The following PDXK variants were observed in gnomAD, a reference collection of about 807,000 sequenced individuals.
PDXK encodes the protein epididymis secretory sperm binding protein Li 1a.
PDXK carries 15 observed loss-of-function variants against 43.2 expected under a neutral mutation model. The observed-to-expected ratio is 0.35, with a 90% CI of 0.23 to 0.53. The LOEUF (loss-of-function observed/expected upper bound fraction) is 0.53. PDXK is among the 20% of genes least tolerant of loss of function. The pLI is 0.92. For missense variants in PDXK, 343 were observed against 417.0 expected (o/e 0.82, Z 1.54); for synonymous variants, 172 against 165.4 (o/e 1.04, Z -0.31).
At chr21:43,722,709 C>G (rs529139278) in intron 1 of PDXK, among the ~76,000 whole-genome samples, 149 of 152,344 alleles carry the variant, frequency 9.8e-4, no homozygotes, top group Non-Finnish European at 1.7e-3. Flanking sequence ...ACTCCAGTCT[C>G]TGTCTCTGTC....
chr21:43,741,722 C>T lies in PDXK; in HGVS notation c.198C>T (p.Tyr66=), dbSNP rs778655345. 7 of 1,613,002 alleles carry T rather than the reference C, an allele frequency of 4.3e-6. No homozygotes were observed. The East Asian group carries it at 1.1e-4, about 26-fold the overall frequency. ...VLNSDELQEL[Y]EGLRLNNMNK... ...ATTCAGATGAGCTCCAGGAGTTGTA[C>T]GAAGGCCTGAGGCTGAACAACATGA... is the stretch of plus-strand genomic sequence containing the variant. Residue 66 remains tyrosine, a synonymous_variant, in exon 3 of 11, where the codon TAC becomes TAT. Transcript: ENST00000291565.
intron 2 of PDXK, among the ~76,000 whole-genome samples, chr21:43,740,265 T>TACGC (rs2147256761): frequency 6.6e-6 from 1 of 152,218 alleles, no homozygotes; most frequent in Non-Finnish European, 1.5e-5. Context: ...CAGCGACTGG[T>TACGC]ACGCAGGAGG....
chr21:43,754,205 G>A lies in PDXK; in HGVS notation c.759+486G>A, dbSNP rs938353868. ...TGGGAGGCTGAGGACAGGGGTCCAG[G>A]CAGGTGTGGAGAGCCGTCTTTCTGG... is the stretch of plus-strand genomic sequence containing the variant. On this transcript the variant is annotated intron_variant, in intron 9 of 10. Coordinates refer to ENST00000291565, the MANE Select transcript of PDXK (RefSeq NM_003681.5). This position sits in a 1 kb window ranked among gnomAD's most constrained non-coding sequence, Gnocchi z 5.5. 9.9e-5 allele frequency among the ~76,000 whole-genome samples: 15 copies of A among 152,208 alleles called. No individual in the cohort carries two copies. The highest frequency in any genetic ancestry group is 4.4e-5 in the Non-Finnish European group (3 of 68,036).
Position 43,758,049 on chromosome 21 carries a change from C to G in PDXK, c.*1986C>G, listed in dbSNP as rs1301150064. 6.5e-6 allele frequency: 1 copy of G among 152,704 alleles called. No homozygotes were observed. Among genetic ancestry groups the G allele is most frequent in the African/African-American group, 2.4e-5 (1 of 40,998 alleles). The allele number at this position is 152,704 out of a possible 1,614,324, so 9.5% of individuals were successfully genotyped here. A position where few individuals can be genotyped will look rare whatever the true frequency, so the allele number is the denominator to read the frequency against. ...CATGGGGGAAAGAACCTAAATGTCTCTCTGTCCTGTGAGCTGGTGAAAAAC... is the reference window on the plus strand; with the variant it reads ...CATGGGGGAAAGAACCTAAATGTCTGTCTGTCCTGTGAGCTGGTGAAAAAC... On this transcript the variant is annotated 3_prime_UTR_variant, in exon 11 of 11. Transcript: ENST00000291565.
rs1190174338 is a variant in PDXK, at chr21:43,753,777, A to C, written c.759+58A>C. The C allele has an allele frequency of 2.0e-6, 3 of 1,523,652 alleles. No individual in the cohort carries two copies. In the African/African-American group the frequency reaches 4.1e-5, roughly 21 times the overall value. The allele number at this position is 1,523,652 out of a possible 1,614,324, so 94.4% of individuals were successfully genotyped here. A position where few individuals can be genotyped will look rare whatever the true frequency, so the allele number is the denominator to read the frequency against. On this transcript the variant is annotated intron_variant, in intron 9 of 10. Transcript: ENST00000291565. ...ACTCCCACGGCACCTCATGGGGAGC[A>C]GGATATGAGAGTCCTGGTGGGGGGT...
chr21:43,748,135 A>C (rs61299327), intron 5 of PDXK, among the ~76,000 whole-genome samples: 1 of 152,230 alleles, frequency 6.6e-6, no homozygotes, highest in African/African-American at 2.4e-5. Flanking sequence ...GAAATGTTCC[A>C]TGAAGCCCAC....
At chr21:43,725,667 C>T (rs1326500257) in intron 1 of PDXK, among the ~76,000 whole-genome samples, 7 of 151,968 alleles carry the variant, frequency 4.6e-5, no homozygotes, top group South Asian at 4.1e-4. Flanking sequence ...AAAAATTAGC[C>T]GGGCGTGGTG....
intron 1 of PDXK, among the ~76,000 whole-genome samples, chr21:43,729,911 T>C (rs1012587794): frequency 6.6e-6 from 1 of 151,690 alleles, no homozygotes; most frequent in Non-Finnish European, 1.5e-5. Flanking sequence ...GCCGCTGGAC[T>C]CCAGCCTGGG....
At chr21:43,752,264 G>T (rs1295787013) in intron 7 of PDXK, among the ~76,000 whole-genome samples, 1 of 152,244 alleles carries the variant, frequency 6.6e-6, no homozygotes, top group African/African-American at 2.4e-5. Flanking sequence ...CCCCAAGGGG[G>T]AGGCCCTCGC....
intron 5 of PDXK, 97 bp downstream of exon 5, chr21:43,746,222 TG>T: frequency 2.1e-6 from 2 of 968,720 alleles, no homozygotes; most frequent in South Asian, 2.6e-5. Context: ...TCTAACTCGG[TG>T]GGACTCCTCT....
In PDXK at chr21:43,732,080, G is replaced by A. The variant is rs559086469; in HGVS notation, c.88-1989G>A. ...GGACGGTCACTACCGCTGCCCCTGT[G>A]GGGAGAAGAGCCCCGGGGGAAGAAG... is the stretch of plus-strand genomic sequence containing the variant. On this transcript the variant is annotated intron_variant, in intron 1 of 10. Coordinates refer to ENST00000291565, the MANE Select transcript of PDXK (RefSeq NM_003681.5). This position sits in a 1 kb window ranked among gnomAD's most constrained non-coding sequence, Gnocchi z 4.1. 1.8e-6 allele frequency: 2 copies of A among 1,102,616 alleles called. No homozygotes were observed. The highest frequency in any genetic ancestry group is 1.1e-6 in the Non-Finnish European group (1 of 874,656). The allele number at this position is 1,102,616 out of a possible 1,614,324, so 68.3% of individuals were successfully genotyped here.
chr21:43,733,104 G>A (rs1322449126), intron 1 of PDXK, among the ~76,000 whole-genome samples: 1 of 152,148 alleles, frequency 6.6e-6, no homozygotes, highest in Non-Finnish European at 1.5e-5. Flanking sequence ...CTGCTAACGT[G>A]TTTCATTAGT....
Position 43,754,143 on chromosome 21 carries a change from G to T in PDXK, c.759+424G>T, listed in dbSNP as rs2083805068. ...GTGTGACCACGGCAGTGACCTGAGG[G>T]ACGGAAAGGCCGGAGCCGCCCTTCG... On this transcript the variant is annotated intron_variant, in intron 9 of 10. Transcript: ENST00000291565. The surrounding 1 kb of genome is among the most constrained non-coding windows in gnomAD (Gnocchi z 5.5). 2.0e-5 allele frequency among the ~76,000 whole-genome samples: 3 copies of T among 152,352 alleles called. No individual in the cohort carries two copies. The highest frequency in any genetic ancestry group is 4.1e-4 in the South Asian group (2 of 4,828).
Position 43,719,134 on chromosome 21 carries a change from A to G in PDXK, c.-161A>G, listed in dbSNP as rs2083185080. 3.3e-6 allele frequency: 1 copy of G among 304,608 alleles called. No homozygotes were observed. Among genetic ancestry groups the G allele is most frequent in the Non-Finnish European group, 5.9e-6 (1 of 169,048 alleles). 18.9% of individuals were successfully genotyped at this position (304,608 alleles called of 1,614,324 possible). The stretch of plus-strand genomic sequence containing the variant: ...GTTCGGAGCCGCCCGCTGAGGTCAG[A>G]AGGAGGCGTCTGCGCTGATCGGGTC... On this transcript the variant is annotated 5_prime_UTR_variant, in exon 1 of 11. Coordinates refer to ENST00000291565, the MANE Select transcript of PDXK (RefSeq NM_003681.5).
At chr21:43,725,350 T>G (rs764198529) in intron 1 of PDXK, among the ~76,000 whole-genome samples, 2 of 152,058 alleles carry the variant, frequency 1.3e-5, no homozygotes, top group Non-Finnish European at 2.9e-5. Context: ...CCTGGTGTTT[T>G]GAAAAATCTT....
intron 4 of PDXK, among the ~76,000 whole-genome samples, chr21:43,744,238 G>A (rs1231323106): frequency 1.3e-5 from 2 of 152,118 alleles, no homozygotes; most frequent in African/African-American, 4.8e-5. Flanking sequence ...GGGGAGGGAG[G>A]GTCACACCCA....
Position 43,744,704 on chromosome 21 carries a change from G to C in PDXK, c.331+897G>C, listed in dbSNP as rs146855903. ...AGGGTGCAACCACTGTGGAAAACAC[G>C]TTGGTAGTTCCCCAACAAGTGGAAC... On this transcript the variant is annotated intron_variant, in intron 4 of 10. Transcript: ENST00000291565. 3.3e-5 allele frequency: 5 copies of C among 152,370 alleles called. No homozygotes were observed. In the South Asian group the frequency reaches 6.2e-4, roughly 19 times the overall value. The allele number at this position is 152,370 out of a possible 1,614,324, so 9.4% of individuals were successfully genotyped here.
At position 43,749,060 on chromosome 21, in the gene PDXK, G is replaced by A. The variant is rs746984644; in HGVS notation, c.444G>A (p.Thr148=). 4.9e-5 allele frequency: 79 copies of A among 1,608,860 alleles called. No homozygotes were observed. The Admixed American group carries it at 7.3e-4, about 15-fold the overall frequency. ...EKVVPLADII[T]PNQFEAELLS... ...TGGTGCCGCTTGCAGACATTATCAC[G>A]CCCAACCAGTTTGAGGCCGAGTAAG... The change falls in exon 6 of 11, where the codon ACG becomes ACA. Residue 148 remains threonine, a synonymous_variant. Transcript: ENST00000291565.
In PDXK at chr21:43,749,097, T is replaced by C. The variant is rs1483715273; in HGVS notation, c.464+17T>C. On this transcript the variant is annotated intron_variant, in intron 6 of 10. Coordinates refer to ENST00000291565, the MANE Select transcript of PDXK (RefSeq NM_003681.5). ...TGAGGCCGAGTAAGTCATTTTATTT[T>C]ATTTTACTTTATTTATTTATTTTTC... 6.8e-7 allele frequency: 1 copy of C among 1,461,626 alleles called. No individual in the cohort carries two copies. The highest frequency in any genetic ancestry group is 9.5e-7 in the Non-Finnish European group (1 of 1,048,742). The allele number at this position is 1,461,626 out of a possible 1,614,324, so 90.5% of individuals were successfully genotyped here.
Sources: allele counts gnomAD v4.1 joint callset (sites outside exome capture counted in the v4.1 genomes callset), GRCh38; gene constraint gnomAD v4.1.1; non-coding constraint Gnocchi (gnomAD v3.1); transcripts MANE v1.5; gene names NCBI Gene and HGNC (gene_info 2026-07-23, HGNC 2026-07-21).